SP110: variants seen among roughly 807,000 people sequenced by gnomAD.
The protein encoded by SP110 is interferon-induced protein 41, 30kD.
In SP110, 62 loss-of-function variants were observed where a neutral mutation model predicts 92.7. The observed-to-expected ratio is 0.67, with a 90% CI of 0.55 to 0.83. SP110 has a LOEUF of 0.83. Ranked by LOEUF, SP110 falls within the 40% of genes least tolerant of loss-of-function variation. The pLI, the probability that SP110 is intolerant of heterozygous loss-of-function variation, is 0.00. For synonymous variants in SP110, 273 were observed against 305.3 expected, an observed-to-expected ratio of 0.89 and a Z score of 1.10; for missense variants, 793 against 863.9, an observed-to-expected ratio of 0.92 and a Z score of 1.03.
At chr2:230,222,795 C>T (rs534233224), upstream of SP110, among the ~76,000 whole-genome samples, 1 of 150,494 alleles carries the variant, frequency 6.6e-6, no homozygotes, top group Non-Finnish European at 1.5e-5. Context: ...CAGGCAACCA[C>T]TGATCTGCTT....
intron 10 of SP110, among the ~76,000 whole-genome samples, chr2:230,189,662 C>T (rs892108250): frequency 6.6e-6 from 1 of 152,090 alleles, no homozygotes; most frequent in Non-Finnish European, 1.5e-5. Context: ...CTTGCTGCAC[C>T]TATTGACCCA....
intron 18 of SP110, 45 bp from the exon 19 acceptor site, chr2:230,169,282 T>A: frequency 9.5e-7 from 1 of 1,048,752 alleles, no homozygotes; most frequent in Non-Finnish European, 1.5e-6. Flanking sequence ...GATGAAGGAT[T>A]ACAGCCATCA....
At chr2:230,169,474 T>C (rs1444536694) in intron 18 of SP110, among the ~76,000 whole-genome samples, 1 of 151,158 alleles carries the variant, frequency 6.6e-6, no homozygotes, top group African/African-American at 2.4e-5. Flanking sequence ...TGCCCAAAGT[T>C]TTAAAACATT....
chr2:230,165,822 A>T lies in SP110; in HGVS notation c.*3302T>A, dbSNP rs1560515069. Among the ~76,000 whole-genome samples the T allele has an allele frequency of 6.6e-6, 1 of 152,208 alleles. No individual in the cohort carries two copies. Among genetic ancestry groups the T allele is most frequent in the Non-Finnish European group, 1.5e-5 (1 of 68,040 alleles). ...CAAAATAGAAGGCAGAAGAAAAAAA[A>T]TAGACAAAAATAACATTAAAACATT... On this transcript the variant is annotated 3_prime_UTR_variant, in exon 19 of 19. Coordinates refer to ENST00000258381, the MANE Select transcript of SP110 (RefSeq NM_080424.4).
intron 8 of SP110, 49 bp downstream of exon 8, chr2:230,207,942 T>G (rs753644058): frequency 1.1e-6 from 1 of 897,066 alleles, no homozygotes; most frequent in Non-Finnish European, 1.9e-6. Flanking sequence ...CTACAAGCCC[T>G]GCATGAGCTG....
intron 10 of SP110, among the ~76,000 whole-genome samples, chr2:230,189,387 T>C (rs1460637348): frequency 6.6e-6 from 1 of 152,194 alleles, no homozygotes; most frequent in Non-Finnish European, 1.5e-5. Context: ...TATGTCACTG[T>C]TACCATTCAT....
At chr2:230,210,709 C>T (rs1047868207) in intron 6 of SP110, among the ~76,000 whole-genome samples, 5 of 152,224 alleles carry the variant, frequency 3.3e-5, no homozygotes, top group African/African-American at 1.2e-4. Context: ...CAAATAAAGG[C>T]TCATCTCACA....
In SP110 at chr2:230,219,877, G is replaced by A. The variant is rs976774356; in HGVS notation, c.-5C>T. 1.0e-6 allele frequency: 1 copy of A among 977,214 alleles called. No homozygotes were observed. Among genetic ancestry groups the A allele is most frequent in the Non-Finnish European group, 1.2e-6 (1 of 822,252 alleles). The allele number at this position is 977,214 out of a possible 1,614,324, so 60.5% of individuals were successfully genotyped here. A position where few individuals can be genotyped will look rare whatever the true frequency, so the allele number is the denominator to read the frequency against. Reference sequence around the variant, plus strand: ...AGCAGCAAAGACAGAAACTCACCTGGACTTTGAGTTTGTCGTTCCTGCCCC... The same window carrying A: ...AGCAGCAAAGACAGAAACTCACCTGAACTTTGAGTTTGTCGTTCCTGCCCC... On this transcript the variant is annotated 5_prime_UTR_variant, in exon 1 of 19. Coordinates refer to ENST00000258381, the MANE Select transcript of SP110 (RefSeq NM_080424.4).
intron 12 of SP110, among the ~76,000 whole-genome samples, chr2:230,180,216 C>G (rs1185888471): frequency 6.6e-6 from 1 of 152,096 alleles, no homozygotes; most frequent in East Asian, 1.9e-4. Flanking sequence ...AAAGGAAAAG[C>G]AAGGTGGAGA....
intron 1 of SP110, among the ~76,000 whole-genome samples, chr2:230,217,137 T>C (rs1326018598): frequency 6.7e-6 from 1 of 150,120 alleles, no homozygotes; most frequent in Non-Finnish European, 1.5e-5. Context: ...TCCCAGCTAC[T>C]TGGGAGGCTG....
upstream of SP110, among the ~76,000 whole-genome samples, chr2:230,224,782 A>C (rs1004572505): frequency 2.0e-5 from 3 of 152,146 alleles, no homozygotes. Context: ...TTCAATCCTC[A>C]CTACTGTTCT....
upstream of SP110, among the ~76,000 whole-genome samples, chr2:230,224,499 C>G (rs527363158): frequency 7.6e-4 from 105 of 138,116 alleles, no homozygotes; most frequent in African/African-American, 2.8e-3. Context: ...GAGAGGGAGA[C>G]AGAGGAGAGA....
rs1479195094 is a variant in SP110 at position 230,209,958 on chromosome 2, C to A, written c.802G>T (p.Val268Leu). 6.2e-7 allele frequency: 1 copy of A among 1,609,306 alleles called. No homozygotes were observed. The highest frequency in any genetic ancestry group is 8.5e-7 in the Non-Finnish European group (1 of 1,175,728). Residue 268 changes from valine (V) to leucine (L), a missense_variant, in exon 7 of 19, where the codon GTG becomes TTG. Transcript: ENST00000258381. ...TTCTTGTCTGAAGGTGTGCTGGACA[C>A]CTCCTGGGGCTCTTCTGGGTCATTT... ...EPNDPEEPQE[V>L]SSTPSDKKGK...
rs1252148041 is a variant in SP110, at chr2:230,167,453, G to GGTCCTGGA, written c.*1663_*1670dup. Reference sequence around the variant, plus strand: ...GATCTGAACCTGATTTAGATAAGGAGGTCCTGGACTTTGTTCCAATGCTGC... The same window carrying GGTCCTGGA: ...GATCTGAACCTGATTTAGATAAGGAGGTCCTGGAGTCCTGGACTTTGTTCCAATGCTGC... On this transcript the variant is annotated 3_prime_UTR_variant, in exon 19 of 19. Transcript: ENST00000258381. 14 of 152,180 alleles carry GGTCCTGGA rather than the reference G, an allele frequency of 9.2e-5. No homozygotes were observed. The highest frequency in any genetic ancestry group is 8.5e-4 in the Admixed American group (13 of 15,274). The allele number at this position is 152,180 out of a possible 1,614,324, so 9.4% of individuals were successfully genotyped here.
chr2:230,212,495 T>C, intron 4 of SP110, 65 bp from the exon 5 acceptor site: 1 of 1,313,524 alleles, frequency 7.6e-7, no homozygotes, highest in Non-Finnish European at 1.1e-6. Context: ...GAGTGAATGT[T>C]AAAAGTGCCT....
chr2:230,199,920 C>T (rs67469122), intron 10 of SP110, among the ~76,000 whole-genome samples: 22,921 of 152,102 alleles, frequency 0.15, 2,128 homozygotes, highest in South Asian at 0.27. Flanking sequence ...AGGTTGTTAA[C>T]CCGGTGGCAG....
chr2:230,171,959 G>A (rs2078453939), intron 16 of SP110, 107 bp downstream of exon 16: 6 of 852,500 alleles, frequency 7.0e-6, no homozygotes, highest in Admixed American at 5.1e-5. Context: ...ATCCTTTAAA[G>A]GGAGACATTG....
rs549756916 is a variant in SP110 at position 230,217,668 on chromosome 2, C to T, written c.-1-740G>A. 1.2e-4 allele frequency among the ~76,000 whole-genome samples: 18 copies of T among 152,166 alleles called. 1 individual carries two copies. Among genetic ancestry groups the T allele is most frequent in the African/African-American group, 4.3e-4 (18 of 41,514 alleles). On this transcript the variant is annotated intron_variant, in intron 1 of 18. Coordinates refer to ENST00000258381, the MANE Select transcript of SP110 (RefSeq NM_080424.4). ...GACACAGAAATGTTTAATAACTTGCCCCAGGGTTGCACAACTAGAGAGTGG... is the reference window on the plus strand; with the variant it reads ...GACACAGAAATGTTTAATAACTTGCTCCAGGGTTGCACAACTAGAGAGTGG...
chr2:230,195,737 A>C (rs2042840764), intron 10 of SP110, among the ~76,000 whole-genome samples: 1 of 152,220 alleles, frequency 6.6e-6, no homozygotes, highest in South Asian at 2.1e-4. Context: ...TTACACAGTT[A>C]TGAGATAAAC....
Sources: gnomAD v4.1 joint callset for allele counts (sites outside exome capture counted in the v4.1 genomes callset) on GRCh38, gnomAD v4.1.1 for gene constraint, MANE v1.5 for transcripts, NCBI Gene and HGNC (gene_info 2026-07-23, HGNC 2026-07-21) for gene names.